Variants in PDSS2 observed in about 807,000 individuals in gnomAD.
The protein encoded by PDSS2 is decaprenyl diphosphate synthase subunit 2.
PDSS2 carries 31 observed loss-of-function variants against 44.5 expected under a neutral mutation model. The ratio of observed to expected loss-of-function variants is 0.70; its 90% confidence interval spans 0.52 to 0.94. The LOEUF (loss-of-function observed/expected upper bound fraction) is 0.94, where lower values mean the gene tolerates loss of function less well. PDSS2 is among the 40% of genes least tolerant of loss of function. PDSS2 has a pLI of 0.00. For missense variants in PDSS2, 452 were observed against 482.2 expected (o/e 0.94, Z 0.59); for synonymous variants, 157 against 180.3 (o/e 0.87, Z 1.03).
At chr6:107,247,358 C>T (rs755361885) in intron 3 of PDSS2, among the ~76,000 whole-genome samples, 8 of 152,228 alleles carry the variant, frequency 5.3e-5, no homozygotes, top group Non-Finnish European at 8.8e-5. Flanking sequence ...TGTTCCTTTA[C>T]TTCCCTGAAA....
chr6:107,178,282 T>TG (rs1771862190), intron 7 of PDSS2, among the ~76,000 whole-genome samples: 1 of 152,220 alleles, frequency 6.6e-6, no homozygotes, highest in Non-Finnish European at 1.5e-5. Flanking sequence ...TGCATCAGTG[T>TG]GGGGGCCAAT....
At chr6:107,298,218 G>C (rs968609211) in intron 2 of PDSS2, among the ~76,000 whole-genome samples, 41 of 152,164 alleles carry the variant, frequency 2.7e-4, no homozygotes, top group African/African-American at 9.9e-4. Flanking sequence ...GGAATGAAAA[G>C]AAACACACAA....
intron 3 of PDSS2, 119 bp from the exon 4 acceptor site, chr6:107,245,738 TG>T (rs1241187033): frequency 3.8e-5 from 24 of 627,162 alleles, no homozygotes; most frequent in Non-Finnish European, 1.6e-5. Flanking sequence ...ACAGAAAAAA[TG>T]GGACTATGCA....
chr6:107,166,979 A>C (rs1477706400), intron 7 of PDSS2, among the ~76,000 whole-genome samples: 9 of 152,172 alleles, frequency 5.9e-5, no homozygotes, highest in African/African-American at 2.2e-4. Context: ...TATCAGGATA[A>C]TGCTGGCCTC....
At chr6:107,436,709 A>G (rs1781358731) in intron 1 of PDSS2, among the ~76,000 whole-genome samples, 1 of 152,160 alleles carries the variant, frequency 6.6e-6, no homozygotes, top group Non-Finnish European at 1.5e-5. Context: ...ATAGTTTCAA[A>G]TAGCTAGGAG....
intron 2 of PDSS2, among the ~76,000 whole-genome samples, chr6:107,282,277 T>C (rs1484069526): frequency 1.3e-5 from 2 of 152,144 alleles, no homozygotes; most frequent in African/African-American, 2.4e-5. Flanking sequence ...TGACATAAAC[T>C]AAAAAGTAGG....
chr6:107,253,752 A>G (rs1183188061), intron 3 of PDSS2, among the ~76,000 whole-genome samples: 2 of 152,236 alleles, frequency 1.3e-5, no homozygotes, highest in Admixed American at 1.3e-4. Context: ...ATAAAGGTGC[A>G]TGGTCTTGGA....
At chr6:107,332,102 TA>T (rs1220671350) in intron 2 of PDSS2, among the ~76,000 whole-genome samples, 1 of 85,394 alleles carries the variant, frequency 1.2e-5, no homozygotes, top group Non-Finnish European at 2.2e-5. Flanking sequence ...ATTTATAAGG[TA>T]AACTTTTTTT....
At chr6:107,435,284 AC>A (rs1746556764) in intron 1 of PDSS2, among the ~76,000 whole-genome samples, 1 of 968 alleles carries the variant, frequency 1.0e-3, no homozygotes, top group East Asian at 0.1. Context: ...GCCTCAAAAC[AC>A]ACACACACAC....
chr6:107,389,320 T>C (rs1178436794), intron 1 of PDSS2, among the ~76,000 whole-genome samples: 1 of 152,162 alleles, frequency 6.6e-6, no homozygotes, highest in East Asian at 1.9e-4. Flanking sequence ...ACATAATATC[T>C]CTGAGAATAT....
intron 3 of PDSS2, chr6:107,264,412 G>C (rs1775345492): frequency 6.5e-7 from 1 of 1,548,934 alleles, no homozygotes; most frequent in Non-Finnish European, 8.7e-7. Flanking sequence ...CAACCTCCAG[G>C]AGTGACATCA....
chr6:107,305,288 G>A (rs1326107352), intron 2 of PDSS2, among the ~76,000 whole-genome samples: 1 of 152,032 alleles, frequency 6.6e-6, no homozygotes, highest in Admixed American at 6.6e-5. Flanking sequence ...TGTGGCTTCT[G>A]AGTCCCGGTC....
At chr6:107,157,458 C>G (rs1286072148) in intron 7 of PDSS2, among the ~76,000 whole-genome samples, 4 of 151,024 alleles carry the variant, frequency 2.6e-5, no homozygotes, top group Non-Finnish European at 4.4e-5. Context: ...ACCTTCTCCC[C>G]TTTAATTATA....
intron 7 of PDSS2, among the ~76,000 whole-genome samples, chr6:107,185,509 TG>T (rs1772136540): frequency 6.6e-6 from 1 of 152,206 alleles, no homozygotes; most frequent in Non-Finnish European, 1.5e-5. Flanking sequence ...ATGTTTTGCC[TG>T]AAGTGGTAAA....
At chr6:107,303,677 A>G (rs1220183309) in intron 2 of PDSS2, among the ~76,000 whole-genome samples, 1 of 152,152 alleles carries the variant, frequency 6.6e-6, no homozygotes, top group African/African-American at 2.4e-5. Flanking sequence ...ATGGTTATTT[A>G]TTTATAGTAT....
At chr6:107,166,017 T>C (rs1218316984) in intron 7 of PDSS2, among the ~76,000 whole-genome samples, 1 of 152,216 alleles carries the variant, frequency 6.6e-6, no homozygotes, top group East Asian at 1.9e-4. Flanking sequence ...TTTGATTTTG[T>C]ATCCTGAGAC....
intron 1 of PDSS2, among the ~76,000 whole-genome samples, chr6:107,391,901 G>GA (rs1344630946): frequency 2.0e-5 from 2 of 97,926 alleles, no homozygotes; most frequent in Non-Finnish European, 5.8e-5. Context: ...AAAATAAAAG[G>GA]GGGGAAAAAT....
chr6:107,366,318 AT>A (rs1778959157), intron 1 of PDSS2, among the ~76,000 whole-genome samples: 1 of 152,126 alleles, frequency 6.6e-6, no homozygotes, highest in East Asian at 1.9e-4. Context: ...AATTTTAAAA[AT>A]ATTTCCACCT....
chr6:107,427,677 T>C (rs1400290969), intron 1 of PDSS2, among the ~76,000 whole-genome samples: 2 of 152,184 alleles, frequency 1.3e-5, no homozygotes, highest in East Asian at 1.9e-4. Flanking sequence ...ACTCTCCCTA[T>C]TGTTTGTCAT....
Sources: gnomAD v4.1 joint callset for allele counts (sites outside exome capture counted in the v4.1 genomes callset) on GRCh38, gnomAD v4.1.1 for gene constraint, MANE v1.5 for transcripts, NCBI Gene and HGNC (gene_info 2026-07-23, HGNC 2026-07-21) for gene names.